Variants in NALF1 observed in about 807,000 individuals in gnomAD.
NALF1 encodes the protein NALCN channel auxiliary factor 1, also known as family with sequence similarity 155 member A.
A neutral mutation model predicts 48.4 loss-of-function variants in NALF1; 3 were observed. That is an observed-to-expected ratio of 0.06 (90% confidence interval 0.03 to 0.16). The LOEUF (loss-of-function observed/expected upper bound fraction) is 0.16, where lower values mean the gene tolerates loss of function less well. NALF1 is among the 10% of genes least tolerant of loss of function. The pLI is 1.00. For missense variants in NALF1, 526 were observed against 571.5 expected (o/e 0.92, Z 0.81); for synonymous variants, 262 against 245.7 (o/e 1.07, Z -0.62).
In NALF1 at chr13:107,714,610, CAG is replaced by C. The variant is rs576092050; in HGVS notation, c.915+151070_915+151071del. ...CACCACCGCACTCTAGCCTGGGTGA[CAG>C]AGTGAGGCTTTATTAAAAAAAAAAA... is the stretch of plus-strand genomic sequence containing the variant. On this transcript the variant is annotated intron_variant, in intron 1 of 2. Transcript: ENST00000375915. Among the ~76,000 whole-genome samples the C allele has an allele frequency of 1.5e-4, 14 of 93,634 alleles. No homozygotes were observed. In the East Asian group the frequency reaches 4.6e-3, roughly 31 times the overall value. 61.4% of individuals were successfully genotyped at this position (93,634 alleles called of 152,430 possible). A position where few individuals can be genotyped will look rare whatever the true frequency, so the allele number is the denominator to read the frequency against.
intron 1 of NALF1, among the ~76,000 whole-genome samples, chr13:107,483,988 G>T (rs1290386301): frequency 1.3e-5 from 2 of 151,936 alleles, no homozygotes; most frequent in East Asian, 3.9e-4. Context: ...TAATTTTCAC[G>T]ATTTTGAAGA....
intron 1 of NALF1, among the ~76,000 whole-genome samples, chr13:107,692,863 T>C (rs1881598359): frequency 6.6e-6 from 1 of 152,210 alleles, no homozygotes; most frequent in African/African-American, 2.4e-5. Context: ...GAGCAGTTAT[T>C]AAATGAACTT....
chr13:107,452,984 C>T (rs1164475297), intron 1 of NALF1, among the ~76,000 whole-genome samples: 1 of 152,206 alleles, frequency 6.6e-6, no homozygotes, highest in Non-Finnish European at 1.5e-5. Flanking sequence ...TGTCTCATAT[C>T]TAGGTCAGGC....
intron 1 of NALF1, among the ~76,000 whole-genome samples, chr13:107,627,205 T>C (rs1594169097): frequency 6.6e-6 from 1 of 152,144 alleles, no homozygotes; most frequent in African/African-American, 2.4e-5. Flanking sequence ...GAAAATATGT[T>C]ATGATTTCTC....
At chr13:107,758,932 C>T (rs777068345) in intron 1 of NALF1, among the ~76,000 whole-genome samples, 4 of 152,106 alleles carry the variant, frequency 2.6e-5, no homozygotes, top group Admixed American at 6.5e-5. Flanking sequence ...AATGATAAGA[C>T]TTTCTGAAGC....
intron 1 of NALF1, among the ~76,000 whole-genome samples, chr13:107,441,947 A>G (rs965399998): frequency 2.6e-5 from 4 of 152,172 alleles, no homozygotes; most frequent in Non-Finnish European, 4.4e-5. Flanking sequence ...AACAATATAA[A>G]TAAAATGATA....
chr13:107,464,059 A>G (rs1003551247), intron 1 of NALF1, among the ~76,000 whole-genome samples: 1 of 152,160 alleles, frequency 6.6e-6, no homozygotes, highest in Non-Finnish European at 1.5e-5. Context: ...CCAGGTTCCA[A>G]TCCACCTGCC....
chr13:107,679,088 C>T (rs1257290021), intron 1 of NALF1, among the ~76,000 whole-genome samples: 1 of 152,162 alleles, frequency 6.6e-6, no homozygotes, highest in Non-Finnish European at 1.5e-5. Context: ...ATTGTTCTGA[C>T]TTTTCTCTCT....
chr13:107,453,022 T>C (rs1884768714), intron 1 of NALF1, among the ~76,000 whole-genome samples: 1 of 152,204 alleles, frequency 6.6e-6, no homozygotes, highest in African/African-American at 2.4e-5. Flanking sequence ...TCCCACAACC[T>C]TGGACAGCTC....
At chr13:107,828,045 T>A (rs1315992839) in intron 1 of NALF1, among the ~76,000 whole-genome samples, 1 of 152,204 alleles carries the variant, frequency 6.6e-6, no homozygotes, top group Non-Finnish European at 1.5e-5. Flanking sequence ...TGCCAATGTA[T>A]ACTCACAGGT....
chr13:107,553,799 A>G (rs1276735855), intron 1 of NALF1, among the ~76,000 whole-genome samples: 2 of 152,228 alleles, frequency 1.3e-5, no homozygotes, highest in Non-Finnish European at 2.9e-5. Context: ...AGACGCGAGT[A>G]TCTCAGAGCC....
chr13:107,800,122 C>T (rs9520585), intron 1 of NALF1, among the ~76,000 whole-genome samples: 1 of 151,572 alleles, frequency 6.6e-6, no homozygotes, highest in Non-Finnish European at 1.5e-5. Context: ...GTTGGTGGGT[C>T]GAAATACAGA....
intron 1 of NALF1, among the ~76,000 whole-genome samples, chr13:107,249,729 ACAT>A (rs1281792957): frequency 2.0e-5 from 3 of 152,134 alleles, no homozygotes; most frequent in African/African-American, 7.2e-5. Flanking sequence ...TTCATAAAAC[ACAT>A]CATTAGTAAA....
At chr13:107,425,813 A>G (rs1392781690) in intron 1 of NALF1, among the ~76,000 whole-genome samples, 3 of 152,096 alleles carry the variant, frequency 2.0e-5, no homozygotes, top group Non-Finnish European at 2.9e-5. Flanking sequence ...ATGATATTGG[A>G]TATCTATGTA....
intron 1 of NALF1, among the ~76,000 whole-genome samples, chr13:107,657,588 C>T (rs182357803): frequency 5.9e-5 from 9 of 152,144 alleles, no homozygotes; most frequent in Non-Finnish European, 1.2e-4. Flanking sequence ...GACTTTAACG[C>T]TGTGGGTAGG....
At chr13:107,464,369 G>C (rs1884966337) in intron 1 of NALF1, among the ~76,000 whole-genome samples, 1 of 152,132 alleles carries the variant, frequency 6.6e-6, no homozygotes, top group East Asian at 1.9e-4. Flanking sequence ...ATTTTAGAAG[G>C]GGGCAGCACC....
intron 1 of NALF1, among the ~76,000 whole-genome samples, chr13:107,762,440 A>G (rs1323941596): frequency 6.6e-6 from 1 of 150,824 alleles, no homozygotes; most frequent in Non-Finnish European, 1.5e-5. Context: ...AAAAAATTAA[A>G]TTAAAAAAAA....
intron 1 of NALF1, among the ~76,000 whole-genome samples, chr13:107,583,121 G>A (rs942056592): frequency 6.6e-6 from 1 of 151,932 alleles, no homozygotes; most frequent in Non-Finnish European, 1.5e-5. Context: ...TCTTTTCTCT[G>A]TCTCTTTTAG....
intron 1 of NALF1, among the ~76,000 whole-genome samples, chr13:107,836,048 A>G: frequency 6.6e-6 from 1 of 152,098 alleles, no homozygotes; most frequent in South Asian, 2.1e-4. Context: ...TTGGAGTGCA[A>G]TGATGCGATC....
Sources: allele counts gnomAD v4.1 joint callset (sites outside exome capture counted in the v4.1 genomes callset), GRCh38; gene constraint gnomAD v4.1.1; transcripts MANE v1.5; gene names NCBI Gene and HGNC (gene_info 2026-07-23, HGNC 2026-07-21).